HIVEP3: variants seen among roughly 807,000 people sequenced by gnomAD.
HIVEP3 encodes the protein transcription factor HIVEP3.
HIVEP3 carries 49 observed loss-of-function variants against 152.8 expected under a neutral mutation model. That is an observed-to-expected ratio of 0.32 (90% CI 0.26 to 0.41). The LOEUF is 0.41. HIVEP3 is among the 10% of genes least tolerant of loss of function. HIVEP3 has a pLI of 1.00. For synonymous variants in HIVEP3, 1,269 were observed against 1,289.0 expected (o/e 0.98, Z 0.33); for missense variants, 2,790 against 3,103.3 (o/e 0.90, Z 2.40).
chr1:41,779,491 T>TTTTTC (rs910747686), intron 1 of HIVEP3, among the ~76,000 whole-genome samples: 11 of 152,234 alleles, frequency 7.2e-5, no homozygotes, highest in African/African-American at 2.7e-4. Context: ...AAGCCCCTTC[T>TTTTTC]TTTTCTTTTC....
intron 1 of HIVEP3, among the ~76,000 whole-genome samples, chr1:41,788,012 G>T (rs1464804440): frequency 6.6e-6 from 1 of 152,192 alleles, no homozygotes; most frequent in Non-Finnish European, 1.5e-5. Context: ...GGGATTTAAT[G>T]TGACTTTGGG....
At chr1:41,903,399 A>G (rs1644657065) in intron 1 of HIVEP3, among the ~76,000 whole-genome samples, 1 of 152,174 alleles carries the variant, frequency 6.6e-6, no homozygotes, top group South Asian at 2.1e-4. Context: ...TCTTTACTTC[A>G]CAAGATTCCT....
rs188818640 is a variant in HIVEP3 at position 41,993,892 on chromosome 1, T to C, written n.119+41915A>G. On this transcript the variant is annotated intron_variant and non_coding_transcript_variant, in intron 1 of 3. Transcript: ENST00000489103. ...GGAAATCATCATTCTCAATAAACTA[T>C]TGCAAGAACAAAAAACCAAACACCG... 3.5e-3 allele frequency among the ~76,000 whole-genome samples: 527 copies of C among 151,500 alleles called. 2 individuals carry two copies. The highest frequency in any genetic ancestry group is 0.011 in the African/African-American group (465 of 41,286).
At chr1:41,724,916 A>T (rs1161924521) in intron 1 of HIVEP3, among the ~76,000 whole-genome samples, 4 of 152,240 alleles carry the variant, frequency 2.6e-5, no homozygotes. Flanking sequence ...CTCTCACACC[A>T]AGACAAAGAA....
chr1:41,777,990 T>A (rs955874134), intron 1 of HIVEP3, among the ~76,000 whole-genome samples: 88 of 151,790 alleles, frequency 5.8e-4, no homozygotes, highest in Non-Finnish European at 1.1e-3. Flanking sequence ...TCGGCGGGGG[T>A]TCTTGGCAGC....
intron 2 of HIVEP3, among the ~76,000 whole-genome samples, chr1:41,647,528 C>T (rs2124002398): frequency 6.6e-6 from 1 of 152,344 alleles, no homozygotes; most frequent in Non-Finnish European, 1.5e-5. Context: ...TGGTACTTTG[C>T]TCTCTCCTTC....
chr1:41,532,060 CA>C (rs1294598116), intron 5 of HIVEP3, among the ~76,000 whole-genome samples: 5 of 112,468 alleles, frequency 4.4e-5, no homozygotes, highest in African/African-American at 1.8e-4. Context: ...AGATGGAGGA[CA>C]GGGGAGATGG....
intron 1 of HIVEP3, among the ~76,000 whole-genome samples, chr1:41,740,173 G>T (rs537464482): frequency 6.6e-6 from 1 of 152,304 alleles, no homozygotes; most frequent in South Asian, 2.1e-4. Flanking sequence ...AGATGTGGGC[G>T]CTGGCAATGG....
At chr1:41,657,774 A>G (rs1389654151) in intron 2 of HIVEP3, among the ~76,000 whole-genome samples, 29 of 152,232 alleles carry the variant, frequency 1.9e-4, no homozygotes, top group Admixed American at 1.9e-3. Context: ...CAGGAGATAT[A>G]AACTCCGGTC....
At position 41,864,850 on chromosome 1, in the gene HIVEP3, C is replaced by T. The variant is rs1419228424; in HGVS notation, c.-801+53563G>A. Reference sequence around the variant, plus strand: ...CTAATCCAAGGGGGTTACGCTTCAGCGCTGGCTGCCTCTGACTCTCACCCT... The same window carrying T: ...CTAATCCAAGGGGGTTACGCTTCAGTGCTGGCTGCCTCTGACTCTCACCCT... On this transcript the variant is annotated intron_variant, in intron 1 of 8. Transcript: ENST00000372583. 4.6e-5 allele frequency among the ~76,000 whole-genome samples: 7 copies of T among 152,240 alleles called. No individual in the cohort carries two copies. The South Asian group carries it at 1.0e-3, about 23-fold the overall frequency.
At chr1:41,617,804 A>G (rs961997447) in intron 3 of HIVEP3, among the ~76,000 whole-genome samples, 1 of 152,222 alleles carries the variant, frequency 6.6e-6, no homozygotes, top group Non-Finnish European at 1.5e-5. Context: ...CTACTCCCAC[A>G]TCATAAGAAA....
Position 41,583,599 on chromosome 1 carries a change from G to A in HIVEP3, c.1199C>T (p.Ala400Val). The A allele has an allele frequency of 6.2e-7, 1 of 1,614,138 alleles. No individual in the cohort carries two copies. The highest frequency in any genetic ancestry group is 8.5e-7 in the Non-Finnish European group (1 of 1,180,014). The change falls in exon 4 of 9, where the codon GCA becomes GTA. Residue 400 changes from alanine to valine, a missense_variant. Physicochemically the swap from Ala to Val is moderately conservative, Grantham distance 64. Transcript: ENST00000372583. The surrounding 1 kb of genome is among the most constrained non-coding windows in gnomAD (Gnocchi z 6.9). The part of the protein sequence containing the change: ...ESGYFSRSES[A>V]EQQVSPPNTN... ...GTTTGGGGGGCTGACCTGCTGCTCTGCACTCTCGGAGCGAGAGAAATACCC... is the reference window on the plus strand; with the variant it reads ...GTTTGGGGGGCTGACCTGCTGCTCTACACTCTCGGAGCGAGAGAAATACCC...
chr1:41,992,004 T>C (rs1381208794), intron 1 of HIVEP3, among the ~76,000 whole-genome samples: 1 of 149,508 alleles, frequency 6.7e-6, no homozygotes, highest in Non-Finnish European at 1.5e-5. Context: ...TATTTCAAAA[T>C]AATAAGAGCT....
intron 2 of HIVEP3, among the ~76,000 whole-genome samples, chr1:41,644,827 G>A (rs1181496639): frequency 2.0e-5 from 3 of 151,308 alleles, no homozygotes; most frequent in Admixed American, 6.6e-5. Flanking sequence ...GGGAGAAGAG[G>A]AACTGGCTCC....
At chr1:41,774,624 A>T (rs1035255198) in intron 1 of HIVEP3, among the ~76,000 whole-genome samples, 2 of 152,228 alleles carry the variant, frequency 1.3e-5, no homozygotes, top group Non-Finnish European at 2.9e-5. Context: ...GAAATAGAAA[A>T]TAAATCACAT....
intron 1 of HIVEP3, among the ~76,000 whole-genome samples, chr1:41,795,825 T>C (rs1649951623): frequency 6.6e-6 from 1 of 152,236 alleles, no homozygotes; most frequent in South Asian, 2.1e-4. Context: ...CTTTGTTTTT[T>C]GTTTTTAAAC....
At chr1:41,599,931 G>GTGGCC (rs1644721849) in intron 3 of HIVEP3, among the ~76,000 whole-genome samples, 1 of 152,092 alleles carries the variant, frequency 6.6e-6, no homozygotes, top group African/African-American at 2.4e-5. Flanking sequence ...TTTCTCCAAA[G>GTGGCC]AAGATCTACA....
intron 5 of HIVEP3, among the ~76,000 whole-genome samples, chr1:41,529,251 C>G (rs1340139101): frequency 7.3e-6 from 1 of 137,824 alleles, no homozygotes; most frequent in African/African-American, 2.8e-5. Flanking sequence ...CCCACTCACA[C>G]TTACCTTCAC....
intron 1 of HIVEP3, among the ~76,000 whole-genome samples, chr1:41,797,395 G>A (rs1650044809): frequency 6.6e-6 from 1 of 152,174 alleles, no homozygotes; most frequent in Non-Finnish European, 1.5e-5. Flanking sequence ...CAGCAGTCCT[G>A]GCTTAAATTC....
Sources: gnomAD v4.1 joint callset for allele counts (sites outside exome capture counted in the v4.1 genomes callset) on GRCh38, gnomAD v4.1.1 for gene constraint, Gnocchi (gnomAD v3.1) non-coding constraint, MANE v1.5 for transcripts, NCBI Gene and HGNC (gene_info 2026-07-23, HGNC 2026-07-21) for gene names.